CMTR1: variants seen among roughly 807,000 people sequenced by gnomAD.
CMTR1 encodes cap-specific mRNA (nucleoside-2'-O-)-methyltransferase 1.
In CMTR1, 39 loss-of-function variants were observed where a neutral mutation model predicts 107.0. The ratio of observed to expected loss-of-function variants is 0.36; its 90% CI spans 0.28 to 0.48. The LOEUF (loss-of-function observed/expected upper bound fraction) is 0.48. Ranked by LOEUF, CMTR1 falls within the 20% of genes least tolerant of loss-of-function variation. The pLI, the probability that CMTR1 is intolerant of heterozygous loss-of-function variation, is 0.99. For synonymous variants in CMTR1, 366 were observed against 379.5 expected (o/e 0.96, Z 0.41); for missense variants, 672 against 1,064.9 (o/e 0.63, Z 5.14).
At position 37,435,634 on chromosome 6, in the gene CMTR1, AGAG is replaced by A. The variant is rs1401594249; in HGVS notation, c.9_11del (p.Arg4del). On this transcript the variant is annotated inframe_deletion, in exon 2 of 24. Transcript: ENST00000373451. ...GATTTATGGTTACAGTTAACGATGAAGAGGAGAACTGACCCAGAATGCACTGCC... is the reference window on the plus strand; with the variant it reads ...GATTTATGGTTACAGTTAACGATGAAGAGAACTGACCCAGAATGCACTGCC... 1 of 1,597,258 alleles carries A rather than the reference AGAG, an allele frequency of 6.3e-7. No individual in the cohort carries two copies. The highest frequency in any genetic ancestry group is 8.5e-7 in the Non-Finnish European group (1 of 1,173,262).
intron 22 of CMTR1, 44 bp downstream of exon 22, chr6:37,478,565 C>A: frequency 6.7e-7 from 1 of 1,492,088 alleles, no homozygotes; most frequent in South Asian, 1.1e-5. Flanking sequence ...CCCCTCTCCC[C>A]TCTCCTCGCC....
chr6:37,459,555 T>C lies in CMTR1; in HGVS notation c.977-11T>C. 1 of 1,610,836 alleles carries C rather than the reference T, an allele frequency of 6.2e-7. No homozygotes were observed. Among genetic ancestry groups the C allele is most frequent in the Non-Finnish European group, 8.5e-7 (1 of 1,176,994 alleles). Reference sequence around the variant, plus strand: ...GCAGATGAACTCACTATGACTCTTGTATTCTGACAGGTGAGGGTGGGATTG... The same window carrying C: ...GCAGATGAACTCACTATGACTCTTGCATTCTGACAGGTGAGGGTGGGATTG... On this transcript the variant is annotated splice_polypyrimidine_tract_variant and intron_variant, in intron 9 of 23. Coordinates refer to ENST00000373451, the MANE Select transcript of CMTR1 (RefSeq NM_015050.3).
At chr6:37,455,086 G>GTT (rs11403925) in intron 8 of CMTR1, among the ~76,000 whole-genome samples, 563 of 147,102 alleles carry the variant, frequency 3.8e-3, no homozygotes, top group Admixed American at 3.7e-3. Context: ...GCAGACTGAA[G>GTT]TTTTTTTTTT....
At chr6:37,449,370 G>T (rs548439598) in intron 4 of CMTR1, among the ~76,000 whole-genome samples, 1 of 152,018 alleles carries the variant, frequency 6.6e-6, no homozygotes, top group Non-Finnish European at 1.5e-5. Flanking sequence ...GTGCAGTGGC[G>T]CAATCTCGGC....
rs1444828295 is a variant in CMTR1 at position 37,459,684 on chromosome 6, G to A, written c.1095G>A (p.Gly365=). 6.2e-7 allele frequency: 1 copy of A among 1,606,996 alleles called. No homozygotes were observed. Among genetic ancestry groups the A allele is most frequent in the African/African-American group, 1.3e-5 (1 of 74,744 alleles). Residue 365 remains glycine (G), a splice_region_variant and synonymous_variant, in exon 10 of 24, where the codon GGG becomes GGA. Transcript: ENST00000373451. ...RKGVHFLMAD[G]GFSVEGQENL... is the part of the protein sequence containing the mutation. Reference sequence around the variant, plus strand: ...GTGTCCATTTTCTGATGGCTGATGGGGTAGGTTACCTTTTTTCCATAGACT... The same window carrying A: ...GTGTCCATTTTCTGATGGCTGATGGAGTAGGTTACCTTTTTTCCATAGACT...
upstream of CMTR1, among the ~76,000 whole-genome samples, chr6:37,429,780 A>G (rs2113856216): frequency 6.6e-6 from 1 of 152,322 alleles, no homozygotes; most frequent in East Asian, 1.9e-4. Flanking sequence ...TCTACTAAAA[A>G]TACATAAATT....
intron 2 of CMTR1, among the ~76,000 whole-genome samples, chr6:37,439,444 C>T (rs755699425): frequency 6.6e-6 from 1 of 152,138 alleles, no homozygotes; most frequent in Non-Finnish European, 1.5e-5. Context: ...TGGAAGTTGC[C>T]AGGCTCCTTC....
At chr6:37,464,247 C>T (rs374522022) in intron 13 of CMTR1, among the ~76,000 whole-genome samples, 3 of 152,152 alleles carry the variant, frequency 2.0e-5, no homozygotes, top group South Asian at 2.1e-4. Context: ...AGATGGATCA[C>T]GAGATCCGGA....
chr6:37,458,282 C>T lies in CMTR1; in HGVS notation c.778-330C>T, dbSNP rs1431251762. On this transcript the variant is annotated intron_variant, in intron 8 of 23. Transcript: ENST00000373451. This position sits in a 1 kb window ranked among gnomAD's most constrained non-coding sequence, Gnocchi z 4.7. ...CGTTGGCCAGGCTGGTCTCAAACCC[C>T]TGACCTCAGGCTATCTGCCTCTCTG... Among the ~76,000 whole-genome samples the T allele has an allele frequency of 6.6e-6, 1 of 152,094 alleles. No individual in the cohort carries two copies. The highest frequency in any genetic ancestry group is 1.5e-5 in the Non-Finnish European group (1 of 68,002).
chr6:37,436,549 G>C (rs890069961), intron 2 of CMTR1, among the ~76,000 whole-genome samples: 1 of 152,198 alleles, frequency 6.6e-6, no homozygotes, highest in African/African-American at 2.4e-5. Context: ...TCCCTCAAAG[G>C]CTCTTGGGAA....
At chr6:37,455,140 G>A (rs1165630025) in intron 8 of CMTR1, among the ~76,000 whole-genome samples, 2 of 151,418 alleles carry the variant, frequency 1.3e-5, no homozygotes, top group African/African-American at 4.9e-5. Context: ...GCTGGAGTGC[G>A]ATGGCGCGAT....
chr6:37,440,892 T>A (rs1033106065), intron 2 of CMTR1, among the ~76,000 whole-genome samples: 5 of 152,250 alleles, frequency 3.3e-5, no homozygotes, highest in African/African-American at 1.2e-4. Flanking sequence ...CAGGCAAATC[T>A]AACAGCCTGG....
chr6:37,469,345 T>G (rs1761576585), intron 13 of CMTR1, among the ~76,000 whole-genome samples: 1 of 151,996 alleles, frequency 6.6e-6, no homozygotes, highest in Admixed American at 6.6e-5. Context: ...TTTTCCCCTC[T>G]GGCTGCTTTT....
the CMTR1 span, among the ~76,000 whole-genome samples, chr6:37,424,791 A>G: frequency 3.3e-5 from 5 of 152,064 alleles, no homozygotes; most frequent in East Asian, 9.6e-4. Flanking sequence ...CTTTACTGTT[A>G]TCTTTATTTT....
At chr6:37,459,324 G>A (rs75870579) in intron 9 of CMTR1, among the ~76,000 whole-genome samples, 390 of 152,338 alleles carry the variant, frequency 2.6e-3, no homozygotes, top group African/African-American at 8.6e-3. Context: ...AACACAACTT[G>A]GGTCTTAAAG....
chr6:37,456,731 C>T (rs1274690042), intron 8 of CMTR1, among the ~76,000 whole-genome samples: 1 of 152,178 alleles, frequency 6.6e-6, no homozygotes, highest in Non-Finnish European at 1.5e-5. Flanking sequence ...TAGTCTTTTG[C>T]AGTTACTCAC....
In CMTR1 at chr6:37,472,615, G is replaced by A. The variant is rs1761650929; in HGVS notation, c.1689+128G>A. Reference sequence around the variant, plus strand: ...CAGATGCCCACCATGGGCTCTAAGGGGCGGAGCTAAGGCTGCCACAGGTGG... The same window carrying A: ...CAGATGCCCACCATGGGCTCTAAGGAGCGGAGCTAAGGCTGCCACAGGTGG... On this transcript the variant is annotated intron_variant, in intron 16 of 23. Transcript: ENST00000373451. This position sits in a 1 kb window ranked among gnomAD's most constrained non-coding sequence, Gnocchi z 4.1. 4.3e-6 allele frequency: 4 copies of A among 937,474 alleles called. No individual in the cohort carries two copies. The African/African-American group carries it at 4.9e-5, about 11-fold the overall frequency. 58.1% of individuals were successfully genotyped at this position (937,474 alleles called of 1,614,324 possible).
intron 2 of CMTR1, among the ~76,000 whole-genome samples, chr6:37,442,290 C>T (rs953243417): frequency 9.9e-5 from 15 of 152,162 alleles, no homozygotes; most frequent in African/African-American, 3.6e-4. Context: ...AATCATAGCC[C>T]AGGAGGGCTC....
At chr6:37,427,842 T>C in the CMTR1 span, among the ~76,000 whole-genome samples, 1 of 152,210 alleles carries the variant, frequency 6.6e-6, no homozygotes, top group South Asian at 2.1e-4. This position sits in a 1 kb window ranked among gnomAD's most constrained non-coding sequence, Gnocchi z 4.4. Flanking sequence ...AGGATATTTC[T>C]ACTGGATATA....
Sources: allele counts gnomAD v4.1 joint callset (sites outside exome capture counted in the v4.1 genomes callset), GRCh38; gene constraint gnomAD v4.1.1; non-coding constraint Gnocchi (gnomAD v3.1); transcripts MANE v1.5; gene names NCBI Gene and HGNC (gene_info 2026-07-23, HGNC 2026-07-21).